The following SSUH2 variants were observed in gnomAD, a reference collection of about 807,000 sequenced individuals.
The protein encoded by SSUH2 is protein SSUH2 homolog.
In SSUH2, 47 loss-of-function variants were observed where a neutral mutation model predicts 55.3. That is an observed-to-expected ratio of 0.85 (90% confidence interval 0.67 to 1.08). SSUH2 has a LOEUF of 1.08. SSUH2 is among the 50% of genes least tolerant of loss of function. SSUH2 has a pLI of 0.00. For missense variants in SSUH2, 535 were observed against 490.7 expected (o/e 1.09, Z -0.85); for synonymous variants, 212 against 191.5 (o/e 1.11, Z -0.89).
At chr3:8,640,822 G>A (rs978141113) in intron 1 of SSUH2, among the ~76,000 whole-genome samples, 2 of 152,182 alleles carry the variant, frequency 1.3e-5, no homozygotes, top group African/African-American at 4.8e-5. Context: ...AAGTTATGTA[G>A]GCCACCCTGG....
intron 4 of SSUH2, among the ~76,000 whole-genome samples, chr3:8,632,623 A>T (rs904267427): frequency 2.0e-5 from 3 of 152,204 alleles, no homozygotes; most frequent in Non-Finnish European, 4.4e-5. Context: ...ACAGCCACAC[A>T]GTGGCCTCTT....
intron 7 of SSUH2, among the ~76,000 whole-genome samples, chr3:8,655,465 TCAGTGTGTGACCTCCTCAAGATCA>T (rs1308551700): frequency 1.4e-5 from 2 of 145,514 alleles, no homozygotes; most frequent in African/African-American, 5.2e-5. Context: ...CCCCCGGGTC[TCAGTGTGTGACCTCCTCAAGATCA>T]CAGTGGGTGG....
intron 3 of SSUH2, among the ~76,000 whole-genome samples, chr3:8,674,300 A>G (rs184783447): frequency 1.3e-4 from 20 of 152,282 alleles, no homozygotes; most frequent in African/African-American, 4.3e-4. Context: ...AAGAAATAGG[A>G]CAGTGGAAGA....
chr3:8,679,120 CAA>C, intron 2 of SSUH2, among the ~76,000 whole-genome samples: 1 of 104,916 alleles, frequency 9.5e-6, no homozygotes, highest in East Asian at 2.4e-4. Flanking sequence ...TCTTAGGACC[CAA>C]ATTGCGGGGG....
chr3:8,622,567 G>A (rs996215278), intron 11 of SSUH2, among the ~76,000 whole-genome samples: 9 of 152,120 alleles, frequency 5.9e-5, no homozygotes, highest in Non-Finnish European at 1.2e-4. Flanking sequence ...TTTGAATGAC[G>A]CTCTGTCACC....
At chr3:8,652,152 T>C (rs1466393571) in intron 7 of SSUH2, 2 of 152,358 alleles carry the variant, frequency 1.3e-5, no homozygotes, top group Non-Finnish European at 2.9e-5. Context: ...ATGATCAGGA[T>C]GACACACAGT....
intron 6 of SSUH2, among the ~76,000 whole-genome samples, chr3:8,661,974 T>C (rs1454550660): frequency 6.6e-6 from 1 of 152,214 alleles, no homozygotes; most frequent in Non-Finnish European, 1.5e-5. Flanking sequence ...TTCTCTCTCT[T>C]GTCTGCTTCC....
At chr3:8,647,732 G>T (rs1559463730), upstream of SSUH2, among the ~76,000 whole-genome samples, 1 of 152,166 alleles carries the variant, frequency 6.6e-6, no homozygotes, top group Non-Finnish European at 1.5e-5. Flanking sequence ...CCCTGCCTCG[G>T]GCCCTCACAA....
intron 5 of SSUH2, among the ~76,000 whole-genome samples, chr3:8,668,182 A>G (rs556240940): frequency 3.3e-5 from 5 of 152,222 alleles, no homozygotes; most frequent in African/African-American, 1.2e-4. Flanking sequence ...CACAAACACA[A>G]CCACTGTGGC....
intron 6 of SSUH2, among the ~76,000 whole-genome samples, chr3:8,663,536 CG>C (rs1341110772): frequency 1.5e-5 from 2 of 129,902 alleles, no homozygotes; most frequent in African/African-American, 5.8e-5. Flanking sequence ...GGTTGGCAGT[CG>C]GGGTCAGGTG....
At chr3:8,630,996 C>A (rs1698659364) in intron 5 of SSUH2, 67 bp from the exon 6 acceptor site, 3 of 1,319,284 alleles carry the variant, frequency 2.3e-6, no homozygotes, top group East Asian at 5.6e-5. Flanking sequence ...ATTTATCCAG[C>A]AAACAGCATG....
upstream of SSUH2, chr3:8,644,854 G>A (rs1575230973): frequency 3.9e-6 from 4 of 1,029,796 alleles, no homozygotes; most frequent in Non-Finnish European, 2.9e-6. Context: ...CAGAACAGCA[G>A]GCCCATTGTT....
At chr3:8,657,044 C>T (rs1159211231) in intron 7 of SSUH2, among the ~76,000 whole-genome samples, 1 of 152,092 alleles carries the variant, frequency 6.6e-6, no homozygotes, top group African/African-American at 2.4e-5. Context: ...TCACACCCGG[C>T]CAATTTTTGT....
rs77959965 is a variant in SSUH2 at position 8,650,215 on chromosome 3, C to T, written c.-307+8710G>A. On this transcript the variant is annotated intron_variant, in intron 7 of 18. Coordinates refer to the SSUH2 transcript ENST00000317371. The stretch of plus-strand genomic sequence containing the variant: ...CACCACCAAATCTCCAGTCTCAGAC[C>T]CTCTTTCCTGCTTTTGTTTTTCTTC... Among the ~76,000 whole-genome samples the T allele has an allele frequency of 9.6e-3, 1,458 of 152,262 alleles. 17 individuals are homozygous for T. The highest frequency in any genetic ancestry group is 0.032 in the African/African-American group (1,333 of 41,536).
At chr3:8,626,421 G>A in intron 8 of SSUH2, 100 bp from the exon 9 acceptor site, 1 of 840,356 alleles carries the variant, frequency 1.2e-6, no homozygotes, top group Non-Finnish European at 2.0e-6. Flanking sequence ...GGTAGACTGT[G>A]GTGGGCCTGC....
intron 4 of SSUH2, among the ~76,000 whole-genome samples, chr3:8,671,492 C>T (rs1243143794): frequency 5.9e-5 from 9 of 151,510 alleles, no homozygotes; most frequent in African/African-American, 1.7e-4. Context: ...TAATATCAAA[C>T]GGAACCTGCC....
intron 4 of SSUH2, among the ~76,000 whole-genome samples, chr3:8,671,469 A>G (rs58532854): frequency 0.12 from 18,760 of 152,082 alleles, 1,940 homozygotes; most frequent in African/African-American, 0.28. Flanking sequence ...ACATCCCTCT[A>G]GGATATTATG....
At chr3:8,681,799 G>GA (rs1705972168) in intron 1 of SSUH2, 1 of 154,314 alleles carries the variant, frequency 6.5e-6, no homozygotes, top group Non-Finnish European at 1.4e-5. Flanking sequence ...GGGTGGGGAG[G>GA]CACCCACCGC....
intron 7 of SSUH2, among the ~76,000 whole-genome samples, chr3:8,658,272 T>C (rs1251507845): frequency 6.6e-6 from 1 of 152,252 alleles, no homozygotes; most frequent in Non-Finnish European, 1.5e-5. Flanking sequence ...ATTGCTGTTA[T>C]TCATATCGAA....
Sources: allele counts gnomAD v4.1 joint callset (sites outside exome capture counted in the v4.1 genomes callset), GRCh38; gene constraint gnomAD v4.1.1; transcripts MANE v1.5; gene names NCBI Gene and HGNC (gene_info 2026-07-23, HGNC 2026-07-21).